KCNIP1: variants seen among roughly 807,000 people sequenced by gnomAD.
KCNIP1 encodes potassium voltage-gated channel interacting protein 1.
KCNIP1 carries 18 observed loss-of-function variants against 33.0 expected under a neutral mutation model. The ratio of observed to expected loss-of-function variants is 0.55; its 90% CI spans 0.38 to 0.81. The LOEUF (loss-of-function observed/expected upper bound fraction) is 0.81. Among genes scored for constraint, KCNIP1 ranks in the 30% least tolerant of loss-of-function variants. KCNIP1 has a pLI of 0.00. For synonymous variants in KCNIP1, 93 were observed against 98.3 expected (o/e 0.95, Z 0.32); for missense variants, 238 against 271.6 (o/e 0.88, Z 0.87).
intron 1 of KCNIP1, among the ~76,000 whole-genome samples, chr5:170,652,429 G>A (rs1761076454): frequency 6.8e-6 from 1 of 146,202 alleles, no homozygotes; most frequent in Non-Finnish European, 1.5e-5. Context: ...AGGTTGCAGT[G>A]AGCCCAGATT....
At chr5:170,474,357 T>TA (rs1756802941) in intron 1 of KCNIP1, among the ~76,000 whole-genome samples, 1 of 152,178 alleles carries the variant, frequency 6.6e-6, no homozygotes, top group African/African-American at 2.4e-5. Context: ...GGCCCTACTT[T>TA]GAGTCTCATG....
At chr5:170,602,212 G>A (rs1263038317) in intron 1 of KCNIP1, among the ~76,000 whole-genome samples, 3 of 152,288 alleles carry the variant, frequency 2.0e-5, no homozygotes, top group Admixed American at 1.3e-4. Flanking sequence ...TTATAAATGG[G>A]GTCCTGGGCC....
chr5:170,537,819 G>A (rs960480701), intron 1 of KCNIP1, among the ~76,000 whole-genome samples: 11 of 151,842 alleles, frequency 7.2e-5, no homozygotes, highest in East Asian at 2.0e-4. Flanking sequence ...TGCCCTCTTC[G>A]TGTGCTTTCC....
intron 1 of KCNIP1, chr5:170,383,281 T>A: frequency 2.5e-6 from 1 of 401,498 alleles, no homozygotes; most frequent in Non-Finnish European, 4.5e-6. Flanking sequence ...CTCATTTGAC[T>A]GAGGTTGTAG....
rs1341044972 is a variant in KCNIP1, at chr5:170,356,465, C to T, written c.88+2501C>T. ...GCCACCTCCTGCCATGCCAGAAATC[C>T]TTCTTGCCATTTGTCTAAGATGCCA... On this transcript the variant is annotated intron_variant, in intron 1 of 7. Coordinates refer to the KCNIP1 transcript ENST00000377360. Among the ~76,000 whole-genome samples, 4 of 152,172 alleles carry T rather than the reference C, an allele frequency of 2.6e-5. No individual in the cohort carries two copies. In the South Asian group the frequency reaches 8.3e-4, roughly 31 times the overall value.
intron 1 of KCNIP1, among the ~76,000 whole-genome samples, chr5:170,598,889 CTGTGTGTGTGTGCGCGTGTGTG>C (rs1305623010): frequency 1.2e-4 from 17 of 141,732 alleles, no homozygotes; most frequent in Admixed American, 1.2e-3. Flanking sequence ...CATAGCCCCG[CTGTGTGTGTGTGCGCGTGTGTG>C]TGTGTGTGTG....
At chr5:170,521,511 T>C (rs1180601212) in intron 1 of KCNIP1, among the ~76,000 whole-genome samples, 1 of 152,234 alleles carries the variant, frequency 6.6e-6, no homozygotes, top group African/African-American at 2.4e-5. Flanking sequence ...GTAGAAATCA[T>C]TGAACTTTCA....
At chr5:170,461,493 G>A (rs1486277402) in intron 1 of KCNIP1, among the ~76,000 whole-genome samples, 1 of 152,154 alleles carries the variant, frequency 6.6e-6, no homozygotes, top group Non-Finnish European at 1.5e-5. Context: ...GCTCACACCT[G>A]TAATCCCAGC....
chr5:170,411,734 A>G (rs1040073336), intron 1 of KCNIP1, among the ~76,000 whole-genome samples: 1 of 152,224 alleles, frequency 6.6e-6, no homozygotes, highest in African/African-American at 2.4e-5. Flanking sequence ...TATAAGATGT[A>G]GTCTCTGCCC....
At chr5:170,724,746 T>C (rs1452996704) in intron 5 of KCNIP1, among the ~76,000 whole-genome samples, 1 of 151,998 alleles carries the variant, frequency 6.6e-6, no homozygotes, top group African/African-American at 2.4e-5. Context: ...ACAAAATACT[T>C]TGAGAAAAAT....
chr5:170,555,610 C>G (rs1372934301), intron 1 of KCNIP1, among the ~76,000 whole-genome samples: 1 of 152,136 alleles, frequency 6.6e-6, no homozygotes, highest in African/African-American at 2.4e-5. Flanking sequence ...TCATGCTCTG[C>G]CCCAAACAAT....
At chr5:170,670,189 TA>T (rs1165101253) in intron 1 of KCNIP1, among the ~76,000 whole-genome samples, 1 of 152,206 alleles carries the variant, frequency 6.6e-6, no homozygotes, top group African/African-American at 2.4e-5. Context: ...GACCGTCCTC[TA>T]ATATTTTCTT....
chr5:170,440,308 C>A (rs1278548910), intron 1 of KCNIP1, among the ~76,000 whole-genome samples: 4 of 152,170 alleles, frequency 2.6e-5, no homozygotes, highest in African/African-American at 9.7e-5. Context: ...CAAACCAATA[C>A]ACAAGGGCCC....
chr5:170,701,399 C>T (rs1238785216), intron 1 of KCNIP1, among the ~76,000 whole-genome samples: 1 of 152,202 alleles, frequency 6.6e-6, no homozygotes, highest in Non-Finnish European at 1.5e-5. Flanking sequence ...AGTTCCAAGT[C>T]AGAGCTCTGA....
At chr5:170,500,725 A>G (rs1383971975), upstream of KCNIP1, among the ~76,000 whole-genome samples, 1 of 152,154 alleles carries the variant, frequency 6.6e-6, no homozygotes, top group Non-Finnish European at 1.5e-5. Context: ...TGCATTGTAC[A>G]GTGGGCACGT....
intron 1 of KCNIP1, among the ~76,000 whole-genome samples, chr5:170,477,732 G>A (rs548880244): frequency 1.4e-4 from 22 of 152,294 alleles, no homozygotes; most frequent in African/African-American, 5.3e-4. Flanking sequence ...GTGAGTGAAA[G>A]CACCTGGCCG....
intron 1 of KCNIP1, among the ~76,000 whole-genome samples, chr5:170,564,375 C>G (rs1757135294): frequency 6.6e-6 from 1 of 152,176 alleles, no homozygotes; most frequent in African/African-American, 2.4e-5. Context: ...GACTACAACA[C>G]TTATTTGCAC....
chr5:170,385,071 G>C (rs1764408729), intron 1 of KCNIP1, among the ~76,000 whole-genome samples: 1 of 152,144 alleles, frequency 6.6e-6, no homozygotes, highest in Admixed American at 6.5e-5. Flanking sequence ...TCATGTGTCT[G>C]TTACCACCAC....
chr5:170,370,178 G>A (rs558588553), intron 1 of KCNIP1, among the ~76,000 whole-genome samples: 34 of 152,130 alleles, frequency 2.2e-4, no homozygotes, highest in Non-Finnish European at 4.7e-4. Context: ...AGAAAAAGAC[G>A]GCAGGAGGTA....
Sources: gnomAD v4.1 joint callset for allele counts (sites outside exome capture counted in the v4.1 genomes callset) on GRCh38, gnomAD v4.1.1 for gene constraint, MANE v1.5 for transcripts, NCBI Gene and HGNC (gene_info 2026-07-23, HGNC 2026-07-21) for gene names.